The following RYR3 variants were observed in gnomAD, a reference collection of about 807,000 sequenced individuals.
RYR3 encodes the protein brain ryanodine receptor-calcium release channel.
Under a neutral mutation model 584.3 loss-of-function variants are expected in RYR3, and 207 were observed. That is an observed-to-expected ratio of 0.35 (90% confidence interval 0.32 to 0.40). The LOEUF (loss-of-function observed/expected upper bound fraction) is 0.40, where lower values mean the gene tolerates loss of function less well. Among genes scored for constraint, RYR3 ranks in the 10% least tolerant of loss-of-function variants. The pLI is 1.00. For synonymous variants in RYR3, 2,416 were observed against 2,248.5 expected (o/e 1.07, Z -2.11); for missense variants, 5,616 against 6,089.2 (o/e 0.92, Z 2.59).
rs73380490 is a variant in RYR3, at chr15:33,456,372, G to C, written c.52-17047G>C. Among the ~76,000 whole-genome samples the C allele has an allele frequency of 5.2e-3, 792 of 152,340 alleles. 9 individuals carry two copies. The highest frequency in any genetic ancestry group is 0.018 in the African/African-American group (756 of 41,582). On this transcript the variant is annotated intron_variant, in intron 1 of 103. Transcript: ENST00000634891. The stretch of plus-strand genomic sequence containing the variant: ...TTGTAGGCAGCGAGTGGGCAAGCAC[G>C]TGACACAGGAAGTTTTTTAATCAGA...
At chr15:33,661,694 C>T (rs2063173642) in intron 34 of RYR3, among the ~76,000 whole-genome samples, 1 of 152,116 alleles carries the variant, frequency 6.6e-6, no homozygotes, top group Non-Finnish European at 1.5e-5. Flanking sequence ...CTATGAAAAT[C>T]TATTGCTGGT....
chr15:33,465,465 C>T (rs1215076492), intron 1 of RYR3, among the ~76,000 whole-genome samples: 1 of 152,152 alleles, frequency 6.6e-6, no homozygotes, highest in Non-Finnish European at 1.5e-5. Flanking sequence ...TCCATATGCT[C>T]ACCAATACTT....
intron 61 of RYR3, 37 bp downstream of exon 61, chr15:33,768,744 G>C (rs1285031613): frequency 1.9e-6 from 3 of 1,600,316 alleles, no homozygotes; most frequent in Non-Finnish European, 2.6e-6. Flanking sequence ...GCTCCTCCCT[G>C]TAATTATCTT....
intron 28 of RYR3, among the ~76,000 whole-genome samples, chr15:33,645,881 G>A (rs536375855): frequency 3.3e-5 from 5 of 152,298 alleles, no homozygotes; most frequent in Non-Finnish European, 7.3e-5. Flanking sequence ...TGAGAGCTGG[G>A]CTGGGTGGGG....
At chr15:33,545,264 G>T (rs2056152150) in intron 8 of RYR3, among the ~76,000 whole-genome samples, 1 of 152,246 alleles carries the variant, frequency 6.6e-6, no homozygotes, top group Non-Finnish European at 1.5e-5. Context: ...GACAGAAACT[G>T]CTACTTAGGT....
intron 1 of RYR3, among the ~76,000 whole-genome samples, chr15:33,379,417 A>G (rs1432130063): frequency 1.3e-5 from 2 of 152,146 alleles, no homozygotes; most frequent in Non-Finnish European, 2.9e-5. Context: ...GTTACAGTTT[A>G]GTGCCTGTGA....
chr15:33,848,178 C>A, intron 93 of RYR3, 113 bp from the exon 94 acceptor site: 1 of 1,342,018 alleles, frequency 7.5e-7, no homozygotes, highest in Non-Finnish European at 1.0e-6. Flanking sequence ...AAGAATTCCA[C>A]TATAAGGAGA....
At chr15:33,663,797 C>T in intron 36 of RYR3, 60 bp downstream of exon 36, 3 of 1,441,414 alleles carry the variant, frequency 2.1e-6, no homozygotes, top group Admixed American at 4.0e-5. Context: ...ACCTATGGAA[C>T]AGGGCACATG....
chr15:33,717,642 T>C (rs1000964127), intron 43 of RYR3, among the ~76,000 whole-genome samples: 1 of 152,236 alleles, frequency 6.6e-6, no homozygotes, highest in African/African-American at 2.4e-5. Context: ...CTGCATCTGC[T>C]ACATAATAAC....
intron 22 of RYR3, 129 bp downstream of exon 22, chr15:33,630,172 A>G: frequency 1.7e-6 from 1 of 590,742 alleles, no homozygotes; most frequent in Admixed American, 3.3e-5. Flanking sequence ...GGAGATGATG[A>G]TGAATCATGT....
Position 33,500,847 on chromosome 15 carries a change from G to C in RYR3, c.172-2784G>C, listed in dbSNP as rs149726167. On this transcript the variant is annotated intron_variant, in intron 2 of 103. Coordinates refer to ENST00000634891, the MANE Select transcript of RYR3 (RefSeq NM_001036.6). ...CAGGCCAGTTTGGAGTTTAATTAAG[G>C]ATGGCAGCTGGCATAGCAGGTCAGA... Among the ~76,000 whole-genome samples, 139 of 152,302 alleles carry C rather than the reference G, an allele frequency of 9.1e-4. 2 individuals are homozygous for C. The highest frequency in any genetic ancestry group is 3.3e-3 in the Admixed American group (51 of 15,294).
At chr15:33,634,840 T>A in intron 25 of RYR3, 107 bp downstream of exon 25, 3 of 933,604 alleles carry the variant, frequency 3.2e-6, no homozygotes, top group Non-Finnish European at 5.0e-6. Flanking sequence ...GAAATAGTAT[T>A]GGGGCTGAAG....
At chr15:33,590,280 G>A (rs577265962) in intron 16 of RYR3, among the ~76,000 whole-genome samples, 18 of 152,264 alleles carry the variant, frequency 1.2e-4, no homozygotes, top group African/African-American at 4.3e-4. Flanking sequence ...GGACATATAC[G>A]TGCAGGTCTC....
At chr15:33,862,887 A>G (rs923019890) in intron 102 of RYR3, among the ~76,000 whole-genome samples, 3 of 152,188 alleles carry the variant, frequency 2.0e-5, no homozygotes, top group Non-Finnish European at 4.4e-5. Context: ...AAAGTGCTGG[A>G]ATTAGAGGCG....
intron 101 of RYR3, among the ~76,000 whole-genome samples, 152 bp downstream of exon 101, chr15:33,860,811 ACCCCTGCCAGG>A (rs1309012904): frequency 6.6e-6 from 1 of 151,788 alleles, no homozygotes; most frequent in African/African-American, 2.4e-5. Flanking sequence ...ACCCTGCCAT[ACCCCTGCCAGG>A]CCGGCCACTC....
chr15:33,348,630 C>CA (rs1972784299), intron 1 of RYR3, among the ~76,000 whole-genome samples: 1 of 152,074 alleles, frequency 6.6e-6, no homozygotes, highest in Non-Finnish European at 1.5e-5. Context: ...CGTGCGCCAC[C>CA]ATGCCCGGGC....
chr15:33,752,004 T>A (rs375426140), intron 57 of RYR3, among the ~76,000 whole-genome samples: 1 of 152,328 alleles, frequency 6.6e-6, no homozygotes, highest in East Asian at 1.9e-4. Flanking sequence ...CCCCATTGCT[T>A]GTTTTTGTCA....
intron 64 of RYR3, among the ~76,000 whole-genome samples, chr15:33,778,630 A>C (rs1226285611): frequency 6.6e-6 from 1 of 152,220 alleles, no homozygotes; most frequent in Non-Finnish European, 1.5e-5. Flanking sequence ...CCCAGAAGTG[A>C]AGCTGCATTG....
intron 2 of RYR3, among the ~76,000 whole-genome samples, chr15:33,490,254 A>G (rs1284089059): frequency 6.6e-6 from 1 of 152,178 alleles, no homozygotes; most frequent in Non-Finnish European, 1.5e-5. Context: ...GATGAGAACA[A>G]TTGGTACAAG....
Sources: allele counts gnomAD v4.1 joint callset (sites outside exome capture counted in the v4.1 genomes callset), GRCh38; gene constraint gnomAD v4.1.1; transcripts MANE v1.5; gene names NCBI Gene and HGNC (gene_info 2026-07-23, HGNC 2026-07-21).